The following ITGAV variants were observed in gnomAD, a reference collection of about 807,000 sequenced individuals.
ITGAV encodes the protein integrin alpha-V.
ITGAV carries 76 observed loss-of-function variants against 143.8 expected under a neutral mutation model. That is an observed-to-expected ratio of 0.53 (90% CI 0.44 to 0.64). ITGAV has a LOEUF of 0.64. ITGAV is among the 30% of genes least tolerant of loss of function. The probability of loss-of-function intolerance (pLI) is 0.00; values close to 1 mark genes in which losing one functional copy is unlikely to be tolerated. For synonymous variants in ITGAV, 453 were observed against 446.7 expected (o/e 1.01, Z -0.18); for missense variants, 1,193 against 1,274.7 (o/e 0.94, Z 0.98).
chr2:186,676,909 G>T lies in ITGAV; in HGVS notation c.3025G>T (p.Ala1009Ser). The T allele has an allele frequency of 6.2e-7, 1 of 1,613,992 alleles. No individual in the cohort carries two copies. Among genetic ancestry groups the T allele is most frequent in the Non-Finnish European group, 8.5e-7 (1 of 1,179,956 alleles). ...AGTTCTAGCAGGATTGTTGCTACTG[G>T]CTGTTTTGGTATTTGTAATGTACAG... ...LAVLAGLLLL[A>S]VLVFVMYRMG... The change falls in exon 29 of 30, where the codon GCT (alanine) becomes TCT (serine). Residue 1009 changes from alanine (A) to serine (S), a missense_variant. Ala to Ser is a moderately conservative substitution (Grantham distance 99, BLOSUM62 1). Coordinates refer to ENST00000261023, the MANE Select transcript of ITGAV (RefSeq NM_002210.5).
At chr2:186,613,226 C>A (rs1304568977) in intron 2 of ITGAV, among the ~76,000 whole-genome samples, 1 of 148,430 alleles carries the variant, frequency 6.7e-6, no homozygotes, top group Non-Finnish European at 1.5e-5. Context: ...ATTTCCTTTT[C>A]ATGGCTAGAA....
At chr2:186,623,789 C>CAA (rs1261036943) in intron 3 of ITGAV, among the ~76,000 whole-genome samples, 8 of 152,144 alleles carry the variant, frequency 5.3e-5, no homozygotes, top group Admixed American at 5.2e-4. Context: ...AGTGAGCACT[C>CAA]ACAATCTGCC....
intron 26 of ITGAV, among the ~76,000 whole-genome samples, chr2:186,670,335 T>C (rs939752172): frequency 6.6e-6 from 1 of 152,208 alleles, no homozygotes; most frequent in South Asian, 2.1e-4. Context: ...GAGCCTCACT[T>C]TGTCACCCAG....
intron 4 of ITGAV, among the ~76,000 whole-genome samples, chr2:186,627,135 G>A (rs1008135744): frequency 1.3e-5 from 2 of 152,140 alleles, no homozygotes; most frequent in Non-Finnish European, 2.9e-5. Context: ...GGTTGAGAGT[G>A]GGGATATTCT....
At chr2:186,658,973 C>T (rs1294556666) in intron 17 of ITGAV, 65 bp from the exon 18 acceptor site, 6 of 1,301,360 alleles carry the variant, frequency 4.6e-6, no homozygotes, top group Non-Finnish European at 6.4e-6. Context: ...GTAATGTGCA[C>T]TTATGGATTT....
In ITGAV at chr2:186,609,241, A is replaced by G. The variant is rs535544734; in HGVS notation, c.316+7090A>G. ...TATCTGTTGGGCTAATTAGTAATTC[A>G]TGAACTAATTTTACTTTGTGTTTAC... On this transcript the variant is annotated intron_variant, in intron 2 of 29. Coordinates refer to ENST00000261023, the MANE Select transcript of ITGAV (RefSeq NM_002210.5). Among the ~76,000 whole-genome samples the G allele has an allele frequency of 5.3e-5, 8 of 152,304 alleles. No individual in the cohort carries two copies. The East Asian group carries it at 1.4e-3, about 26-fold the overall frequency.
intron 2 of ITGAV, among the ~76,000 whole-genome samples, chr2:186,608,725 T>C (rs1042139262): frequency 2.6e-5 from 4 of 152,194 alleles, no homozygotes; most frequent in Admixed American, 1.3e-4. Flanking sequence ...TTTATTCCAC[T>C]TCCATATGGT....
At chr2:186,656,198 T>C (rs1688577812) in intron 16 of ITGAV, 49 bp from the exon 17 acceptor site, 1 of 1,391,566 alleles carries the variant, frequency 7.2e-7, no homozygotes, top group Non-Finnish European at 9.8e-7. Context: ...GTAGGATAGA[T>C]AGATGTCCAT....
In ITGAV at chr2:186,677,513, A is replaced by G. The variant is rs896786237; in HGVS notation, c.*221A>G. The G allele has an allele frequency of 4.6e-6, 2 of 430,386 alleles. No individual in the cohort carries two copies. The highest frequency in any genetic ancestry group is 8.4e-6 in the Non-Finnish European group (2 of 237,940). 26.7% of individuals were successfully genotyped at this position (430,386 alleles called of 1,614,324 possible). A position where few individuals can be genotyped will look rare whatever the true frequency, so the allele number is the denominator to read the frequency against. On this transcript the variant is annotated 3_prime_UTR_variant, in exon 30 of 30. Transcript: ENST00000261023. Reference sequence around the variant, plus strand: ...GGGTGACTTGTGTTTTTAGGTATTTAAATAATAAAATTTCAAGGGATAGTT... The same window carrying G: ...GGGTGACTTGTGTTTTTAGGTATTTGAATAATAAAATTTCAAGGGATAGTT...
chr2:186,678,936 TAGG>T lies in ITGAV; in HGVS notation c.*1647_*1649del. The T allele has an allele frequency of 2.8e-6, 1 of 356,542 alleles. No homozygotes were observed. Among genetic ancestry groups the T allele is most frequent in the Non-Finnish European group, 5.4e-6 (1 of 183,766 alleles). 22.1% of individuals were successfully genotyped at this position (356,542 alleles called of 1,614,324 possible). ...TAATCTTGAGAATATATTCGTAAAA[TAGG>T]AGCACATTTAGTTGAGGTATACAAG... On this transcript the variant is annotated 3_prime_UTR_variant, in exon 30 of 30. Transcript: ENST00000261023.
intron 13 of ITGAV, 135 bp downstream of exon 13, chr2:186,647,012 T>C: frequency 1.6e-6 from 1 of 628,016 alleles, no homozygotes; most frequent in Non-Finnish European, 2.6e-6. Flanking sequence ...TCTAAAATAT[T>C]CAAGGCATCA....
intron 2 of ITGAV, among the ~76,000 whole-genome samples, chr2:186,615,704 A>G (rs1312173659): frequency 2.0e-5 from 3 of 151,004 alleles, no homozygotes; most frequent in African/African-American, 7.3e-5. Context: ...ATTATTTAGG[A>G]TACAAGTTTT....
chr2:186,615,084 T>C (rs2105674530), intron 2 of ITGAV, among the ~76,000 whole-genome samples: 1 of 152,254 alleles, frequency 6.6e-6, no homozygotes, highest in East Asian at 1.9e-4. Context: ...TTTTGGATAT[T>C]TTATATAAAC....
chr2:186,680,026 AAG>A lies in ITGAV; in HGVS notation c.*2735_*2736del, dbSNP rs1442626181. On this transcript the variant is annotated 3_prime_UTR_variant, in exon 30 of 30. Coordinates refer to ENST00000261023, the MANE Select transcript of ITGAV (RefSeq NM_002210.5). ...CCTAAGGGAGAGATTTGTGTGATAAAAGTATTGTATATAATAGATCAGCGATT... is the reference window on the plus strand; with the variant it reads ...CCTAAGGGAGAGATTTGTGTGATAAATATTGTATATAATAGATCAGCGATT... 6.6e-6 allele frequency: 1 copy of A among 152,094 alleles called. No individual in the cohort carries two copies. The highest frequency in any genetic ancestry group is 1.5e-5 in the Non-Finnish European group (1 of 67,936). 9.4% of individuals were successfully genotyped at this position (152,094 alleles called of 1,614,324 possible).
At chr2:186,667,038 A>G (rs1338707883) in intron 22 of ITGAV, 112 bp from the exon 23 acceptor site, 5 of 685,186 alleles carry the variant, frequency 7.3e-6, no homozygotes, top group Non-Finnish European at 7.1e-6. Flanking sequence ...ATTTTGAGGT[A>G]TAAGCTTTAC....
In ITGAV at chr2:186,636,205, T is replaced by G. The variant is rs1160713535; in HGVS notation, c.755T>G (p.Leu252Trp). Residue 252 changes from leucine (L) to tryptophan (W), a missense_variant and splice_region_variant, in exon 7 of 30, where the codon TTG (leucine) becomes TGG (tryptophan). Leu to Trp is a moderately conservative substitution (Grantham distance 61). Coordinates refer to ENST00000261023, the MANE Select transcript of ITGAV (RefSeq NM_002210.5). ...CAAGCTATTTTTGATGACAGCTATT[T>G]GGGTAGGTAAAACCAAAATTTACTC... ...TAQAIFDDSY[L>W]GYSVAVGDFN... is the part of the protein sequence containing the mutation. The G allele has an allele frequency of 6.2e-7, 1 of 1,609,202 alleles. No homozygotes were observed. The highest frequency in any genetic ancestry group is 8.5e-7 in the Non-Finnish European group (1 of 1,178,472).
intron 1 of ITGAV, among the ~76,000 whole-genome samples, chr2:186,596,826 A>G (rs944229106): frequency 6.6e-6 from 1 of 152,124 alleles, no homozygotes; most frequent in Non-Finnish European, 1.5e-5. Context: ...GTCTAAGGTC[A>G]TTTTACTTTC....
In ITGAV at chr2:186,659,140, C is replaced by T. The variant is rs781357387; in HGVS notation, c.1822C>T (p.Leu608Phe). The T allele has an allele frequency of 1.9e-6, 3 of 1,612,876 alleles. No individual in the cohort carries two copies. Among genetic ancestry groups the T allele is most frequent in the Non-Finnish European group, 2.5e-6 (3 of 1,179,214 alleles). Residue 608 changes from leucine (L) to phenylalanine (F), a missense_variant, in exon 18 of 30, where the codon CTT becomes TTT. Coordinates refer to ENST00000261023, the MANE Select transcript of ITGAV (RefSeq NM_002210.5). ...TGATACAACAGGCTTGCAACCCATT[C>T]TTAACCAGTTCACGCCTGCTAACAT... ...AADTTGLQPI[L>F]NQFTPANISR... is the part of the protein sequence containing the mutation.
intron 29 of ITGAV, 48 bp downstream of exon 29, chr2:186,676,983 G>A: frequency 1.3e-6 from 2 of 1,577,886 alleles, no homozygotes; most frequent in Non-Finnish European, 1.7e-6. Flanking sequence ...CAGAAGAAAA[G>A]GGAAAGGGAA....
Sources: allele counts gnomAD v4.1 joint callset (sites outside exome capture counted in the v4.1 genomes callset), GRCh38; gene constraint gnomAD v4.1.1; transcripts MANE v1.5; gene names NCBI Gene and HGNC (gene_info 2026-07-23, HGNC 2026-07-21).